The following ELP2 variants were observed in gnomAD, a reference collection of about 807,000 sequenced individuals.
ELP2 encodes elongator complex protein 2.
ELP2 carries 90 observed loss-of-function variants against 119.2 expected under a neutral mutation model. That is an observed-to-expected ratio of 0.75 (90% CI 0.64 to 0.90). ELP2 has a LOEUF of 0.90. Among genes scored for constraint, ELP2 ranks in the 40% least tolerant of loss-of-function variants. The pLI is 0.00. For synonymous variants in ELP2, 339 were observed against 331.0 expected, an observed-to-expected ratio of 1.02 and a Z score of -0.26; for missense variants, 921 against 967.8, an observed-to-expected ratio of 0.95 and a Z score of 0.64.
chr18:36,169,922 C>T, intron 19 of ELP2, 141 bp from the exon 20 acceptor site: 1 of 1,084,046 alleles, frequency 9.2e-7, no homozygotes, highest in Non-Finnish European at 1.4e-6. Context: ...CAAGTCCTGG[C>T]ACACCATACA....
chr18:36,159,103 A>G (rs1393867068), intron 14 of ELP2, among the ~76,000 whole-genome samples, 199 bp downstream of exon 14: 1 of 146,344 alleles, frequency 6.8e-6, no homozygotes, highest in Non-Finnish European at 1.5e-5. Flanking sequence ...TTCACAAAGC[A>G]TGTTTTTTCC....
Position 36,156,471 on chromosome 18 carries a change from T to G in ELP2, c.1281T>G (p.Thr427=), listed in dbSNP as rs764265141. ...PWKRKDQSQV[T]WHEIARPQIH... ...GTTTATCCCGTTTTACCCAGGTGAC[T>G]TGGCATGAAATTGCAAGGCCTCAGA... The change falls in exon 13 of 22, where the codon ACT becomes ACG. Residue 427 remains threonine, a synonymous_variant. Coordinates refer to ENST00000358232, the MANE Select transcript of ELP2 (RefSeq NM_018255.4). The G allele has an allele frequency of 3.1e-6, 5 of 1,614,108 alleles. 1 individual carries two copies. The East Asian group carries it at 1.1e-4, about 36-fold the overall frequency.
chr18:36,172,015 T>G (rs961094468), intron 21 of ELP2, among the ~76,000 whole-genome samples: 1 of 152,206 alleles, frequency 6.6e-6, no homozygotes, highest in Non-Finnish European at 1.5e-5. Context: ...CCACTGTGCC[T>G]GGCCCACATT....
intron 21 of ELP2, among the ~76,000 whole-genome samples, chr18:36,174,182 A>G (rs1020869723): frequency 1.3e-5 from 2 of 152,188 alleles, no homozygotes; most frequent in African/African-American, 2.4e-5. Context: ...TCCATTGATC[A>G]TTAAAACAAC....
At chr18:36,149,998 C>T (rs962310181) in intron 11 of ELP2, among the ~76,000 whole-genome samples, 2 of 152,180 alleles carry the variant, frequency 1.3e-5, no homozygotes, top group South Asian at 2.1e-4. Context: ...ATCTTCTGTT[C>T]TGGTTTTTTT....
chr18:36,136,202 C>A, intron 2 of ELP2, 105 bp from the exon 3 acceptor site: 1 of 798,276 alleles, frequency 1.3e-6, no homozygotes, highest in Non-Finnish European at 2.2e-6. Context: ...GTTTGTGAAT[C>A]TAGGTAGAGG....
In ELP2 at chr18:36,171,268, G is replaced by A. The variant is rs140654936; in HGVS notation, c.2324+108G>A. On this transcript the variant is annotated intron_variant, in intron 21 of 21. Transcript: ENST00000358232. ...TGGAGAGGGACATATATCTGTATTCGTCGTGTCTACCACTTTGTTTTGTGG... is the reference window on the plus strand; with the variant it reads ...TGGAGAGGGACATATATCTGTATTCATCGTGTCTACCACTTTGTTTTGTGG... 451 of 756,748 alleles carry A rather than the reference G, an allele frequency of 6.0e-4. 4 individuals carry two copies. In the East Asian group the frequency reaches 0.011, roughly 19 times the overall value. 46.9% of individuals were successfully genotyped at this position (756,748 alleles called of 1,614,324 possible).
At chr18:36,144,829 A>G in intron 8 of ELP2, 110 bp from the exon 9 acceptor site, 2 of 859,680 alleles carry the variant, frequency 2.3e-6, no homozygotes, top group Non-Finnish European at 3.8e-6. Context: ...CAACTATCAT[A>G]TTTTGTCCTA....
At chr18:36,156,336 G>A (rs535076897) in intron 12 of ELP2, 130 bp from the exon 13 acceptor site, 5 of 896,918 alleles carry the variant, frequency 5.6e-6, no homozygotes, top group Non-Finnish European at 9.0e-6. Flanking sequence ...CCCAGTTGTG[G>A]TTTATTCATG....
At chr18:36,130,178 G>A in intron 1 of ELP2, 107 bp downstream of exon 1, 2 of 1,466,226 alleles carry the variant, frequency 1.4e-6, no homozygotes, top group Non-Finnish European at 1.9e-6. Context: ...AGGCGAGTCG[G>A]GTCGGCTCAG....
At chr18:36,167,758 G>T (rs1181879826) in intron 19 of ELP2, among the ~76,000 whole-genome samples, 6 of 150,202 alleles carry the variant, frequency 4.0e-5, no homozygotes, top group Admixed American at 6.6e-5. Flanking sequence ...ACTGCAGCCT[G>T]GACCTCCTGG....
At chr18:36,171,279 C>G in intron 21 of ELP2, 119 bp downstream of exon 21, 1 of 730,010 alleles carries the variant, frequency 1.4e-6, no homozygotes, top group South Asian at 1.5e-5. Flanking sequence ...TCGTGTCTAC[C>G]ACTTTGTTTT....
chr18:36,136,780 G>T (rs1160937953), intron 3 of ELP2: 1 of 169,764 alleles, frequency 5.9e-6, no homozygotes, highest in Non-Finnish European at 1.3e-5. Flanking sequence ...GCTGTTAACT[G>T]TCTCTGTGAA....
chr18:36,145,906 A>T, intron 9 of ELP2, 42 bp from the exon 10 acceptor site: 1 of 1,500,952 alleles, frequency 6.7e-7, no homozygotes, highest in Non-Finnish European at 9.3e-7. Context: ...TACAAACATG[A>T]TGATTGTTGA....
At chr18:36,132,341 G>T (rs80143598) in intron 1 of ELP2, among the ~76,000 whole-genome samples, 1 of 152,166 alleles carries the variant, frequency 6.6e-6, no homozygotes, top group African/African-American at 2.4e-5. Context: ...GATAACGCGC[G>T]TGGCCACCAA....
chr18:36,146,141 C>T lies in ELP2; in HGVS notation c.993+93C>T, dbSNP rs1473041158. On this transcript the variant is annotated intron_variant, in intron 10 of 21. Coordinates refer to ENST00000358232, the MANE Select transcript of ELP2 (RefSeq NM_018255.4). ...ATATTGATAGACCTGCAAATTTTCA[C>T]TGTGTACATTAAAATAGTGGGAATT... 8 of 1,570,704 alleles carry T rather than the reference C, an allele frequency of 5.1e-6. No homozygotes were observed. In the East Asian group the frequency reaches 1.8e-4, roughly 35 times the overall value.
intron 15 of ELP2, 39 bp downstream of exon 15, chr18:36,159,869 C>A: frequency 6.2e-7 from 1 of 1,604,584 alleles, no homozygotes. Flanking sequence ...ATCGCTAGAA[C>A]ACACAGTATG....
At chr18:36,139,787 A>G (rs1442778640) in intron 5 of ELP2, 2 of 417,218 alleles carry the variant, frequency 4.8e-6, no homozygotes, top group Non-Finnish European at 8.3e-6. Flanking sequence ...ATGATTTTTT[A>G]TCTTATTAAA....
At chr18:36,152,179 AG>A (rs1304373553) in intron 11 of ELP2, among the ~76,000 whole-genome samples, 1 of 140,578 alleles carries the variant, frequency 7.1e-6, no homozygotes, top group East Asian at 2.1e-4. Context: ...CCTGGGTGAC[AG>A]AGTGAGACCC....
Sources: gnomAD v4.1 joint callset for allele counts (sites outside exome capture counted in the v4.1 genomes callset) on GRCh38, gnomAD v4.1.1 for gene constraint, MANE v1.5 for transcripts, NCBI Gene and HGNC (gene_info 2026-07-23, HGNC 2026-07-21) for gene names.